ATP8B1: variants seen among roughly 807,000 people sequenced by gnomAD.
The protein encoded by ATP8B1 is ATPase phospholipid transporting 8B1.
In ATP8B1, 80 loss-of-function variants were observed where a neutral mutation model predicts 149.9. The ratio of observed to expected loss-of-function variants is 0.53; its 90% CI spans 0.45 to 0.64. The LOEUF is 0.64. Ranked by LOEUF, ATP8B1 falls within the 30% of genes least tolerant of loss-of-function variation. The probability of loss-of-function intolerance (pLI) is 0.00; values close to 1 mark genes in which losing one functional copy is unlikely to be tolerated. For missense variants in ATP8B1, 1,247 were observed against 1,552.6 expected (o/e 0.80, Z 3.31); for synonymous variants, 536 against 562.8 (o/e 0.95, Z 0.67).
intron 2 of ATP8B1, among the ~76,000 whole-genome samples, chr18:57,713,180 TTTCTTTCTTTCTTTCTTTCC>T (rs1350149950): frequency 9.1e-5 from 8 of 88,236 alleles, no homozygotes; most frequent in Non-Finnish European, 1.3e-4. Context: ...TCTTTCTTTC[TTTCTTTCTTTCTTTCTTTCC>T]TTCCTTCCTT....
chr18:57,712,310 G>A (rs1913728304), intron 2 of ATP8B1, among the ~76,000 whole-genome samples: 1 of 152,082 alleles, frequency 6.6e-6, no homozygotes, highest in South Asian at 2.1e-4. Flanking sequence ...CAGATGTGTG[G>A]CATGGAGAGA....
chr18:57,779,914 G>A lies in ATP8B1; in HGVS notation c.-26+23084C>T, dbSNP rs1436475264. ...CTCCGTCTCAAAAAAAAAAAAAAGAGAAAGAAAGAAAAAATAACAAAAATA... is the reference window on the plus strand; with the variant it reads ...CTCCGTCTCAAAAAAAAAAAAAAGAAAAAGAAAGAAAAAATAACAAAAATA... On this transcript the variant is annotated intron_variant, in intron 1 of 27. Coordinates refer to ENST00000648908, the MANE Select transcript of ATP8B1 (RefSeq NM_001374385.1). Among the ~76,000 whole-genome samples, 6 of 149,544 alleles carry A rather than the reference G, an allele frequency of 4.0e-5. No individual in the cohort carries two copies. The East Asian group carries it at 7.8e-4, about 19-fold the overall frequency.
chr18:57,652,475 G>T lies in ATP8B1; in HGVS notation c.3261+9C>A. The T allele has an allele frequency of 6.2e-7, 1 of 1,614,184 alleles. No individual in the cohort carries two copies. The highest frequency in any genetic ancestry group is 8.5e-7 in the Non-Finnish European group (1 of 1,180,044). ...TAGACACTGAATACGGCCAATGAAA[G>T]CCACGTACCTGGAAATTGACTGTTA... is the stretch of plus-strand genomic sequence containing the variant. On this transcript the variant is annotated intron_variant, in intron 25 of 27. Transcript: ENST00000648908.
At chr18:57,718,497 C>T (rs1007425121) in intron 2 of ATP8B1, among the ~76,000 whole-genome samples, 1 of 152,152 alleles carries the variant, frequency 6.6e-6, no homozygotes. Flanking sequence ...TACTTCCAAA[C>T]TCATTCTACA....
intron 1 of ATP8B1, among the ~76,000 whole-genome samples, chr18:57,796,534 A>G (rs143006426): frequency 1.0e-3 from 157 of 152,346 alleles, no homozygotes; most frequent in African/African-American, 3.5e-3. Flanking sequence ...AGCAGCTACT[A>G]GTGCCTGACT....
chr18:57,791,269 T>A (rs1263201966), intron 1 of ATP8B1, among the ~76,000 whole-genome samples: 4 of 152,216 alleles, frequency 2.6e-5, no homozygotes, highest in Non-Finnish European at 4.4e-5. Context: ...ATCTCATTTA[T>A]TTCATTTAGC....
chr18:57,785,560 C>T (rs1441708417), intron 1 of ATP8B1, among the ~76,000 whole-genome samples: 1 of 152,172 alleles, frequency 6.6e-6, no homozygotes, highest in African/African-American at 2.4e-5. Flanking sequence ...GGCTGGAGTG[C>T]AGTGGTGCAA....
At chr18:57,795,222 G>GAC (rs1395252732) in intron 1 of ATP8B1, among the ~76,000 whole-genome samples, 5 of 150,090 alleles carry the variant, frequency 3.3e-5, no homozygotes, top group South Asian at 2.1e-4. Flanking sequence ...GAGACACACA[G>GAC]ACACACACAC....
At chr18:57,665,835 G>A (rs1013362969) in intron 20 of ATP8B1, among the ~76,000 whole-genome samples, 1 of 152,098 alleles carries the variant, frequency 6.6e-6, no homozygotes, top group Admixed American at 6.6e-5. Flanking sequence ...ACAAGCATGA[G>A]CCACCGTGCC....
chr18:57,785,747 C>G (rs1284194039), intron 1 of ATP8B1, among the ~76,000 whole-genome samples: 1 of 152,176 alleles, frequency 6.6e-6, no homozygotes, highest in Admixed American at 6.5e-5. Flanking sequence ...CTCAAGTGAT[C>G]CACATGCCTC....
chr18:57,691,256 C>T (rs1187067800), intron 12 of ATP8B1, among the ~76,000 whole-genome samples: 2 of 151,636 alleles, frequency 1.3e-5, no homozygotes, highest in African/African-American at 4.9e-5. Flanking sequence ...CGGAGATATG[C>T]CCCTGACTTT....
At chr18:57,655,171 CAA>C in intron 23 of ATP8B1, 21 bp downstream of exon 23, 1 of 1,563,586 alleles carries the variant, frequency 6.4e-7, no homozygotes, top group East Asian at 2.2e-5. Context: ...TAGTAAATAA[CAA>C]TAATAACAAC....
At chr18:57,719,968 AC>A (rs1204184944) in intron 2 of ATP8B1, among the ~76,000 whole-genome samples, 1 of 151,786 alleles carries the variant, frequency 6.6e-6, no homozygotes, top group African/African-American at 2.4e-5. Flanking sequence ...ACTGGGAGGC[AC>A]CCCCCAGCAG....
At chr18:57,788,705 G>C (rs1390615878) in intron 1 of ATP8B1, among the ~76,000 whole-genome samples, 1 of 152,062 alleles carries the variant, frequency 6.6e-6, no homozygotes, top group Non-Finnish European at 1.5e-5. Context: ...GTCCCATGGG[G>C]ATAATTCCTG....
chr18:57,794,377 A>G (rs565022059), intron 1 of ATP8B1, among the ~76,000 whole-genome samples: 1 of 151,634 alleles, frequency 6.6e-6, no homozygotes, highest in South Asian at 2.1e-4. Flanking sequence ...GAGGTGGAAC[A>G]TTTGATAACT....
chr18:57,688,447 A>G lies in ATP8B1; in HGVS notation c.1281T>C (p.Tyr427=). ...HFINWDLQMY[Y]AEKDTPAKAR... ...CTTTTGCGGGTGTGTCCTTCTCAGC[A>G]TAGTACATTTGCAGGTCCCAGTTGA... The change falls in exon 13 of 28, where the codon TAT becomes TAC. Residue 427 remains tyrosine (Y), a synonymous_variant. Transcript: ENST00000648908. 1 of 1,614,182 alleles carries G rather than the reference A, an allele frequency of 6.2e-7. No homozygotes were observed. The highest frequency in any genetic ancestry group is 8.5e-7 in the Non-Finnish European group (1 of 1,180,034).
intron 19 of ATP8B1, chr18:57,667,370 G>A (rs1471293645): frequency 1.1e-5 from 6 of 552,182 alleles, no homozygotes; most frequent in South Asian, 6.2e-5. Context: ...CTGGGACTAC[G>A]CAACTCGCTG....
chr18:57,777,014 T>C (rs1162842800), intron 1 of ATP8B1, among the ~76,000 whole-genome samples: 2 of 151,630 alleles, frequency 1.3e-5, no homozygotes, highest in Non-Finnish European at 2.9e-5. Flanking sequence ...GGTATCACTG[T>C]CGCCCAGGCT....
At position 57,691,862 on chromosome 18, in the gene ATP8B1, A is replaced by G; in HGVS notation, c.1165T>C (p.Phe389Leu). ...TTGAGAACAATGATATAGCCCCAGA[A>G]AATGAGGAATCCACGGTAGGAGGGT... ...DTPSYRGFLI[F>L]WGYIIVLNTM... The change falls in exon 12 of 28, where the codon TTC becomes CTC. Residue 389 changes from phenylalanine (F) to leucine (L), a missense_variant. Coordinates refer to ENST00000648908, the MANE Select transcript of ATP8B1 (RefSeq NM_001374385.1). The G allele has an allele frequency of 6.2e-7, 1 of 1,614,172 alleles. No homozygotes were observed. The highest frequency in any genetic ancestry group is 8.5e-7 in the Non-Finnish European group (1 of 1,180,016).
Sources: gnomAD v4.1 joint callset for allele counts (sites outside exome capture counted in the v4.1 genomes callset) on GRCh38, gnomAD v4.1.1 for gene constraint, MANE v1.5 for transcripts, NCBI Gene and HGNC (gene_info 2026-07-23, HGNC 2026-07-21) for gene names.